HAUS6: variants seen among roughly 807,000 people sequenced by gnomAD.
HAUS6 encodes the protein HAUS augmin like complex subunit 6, also known as HAUS augmin-like complex subunit 6.
A neutral mutation model predicts 106.8 loss-of-function variants in HAUS6; 80 were observed. The observed-to-expected ratio is 0.75, with a 90% CI of 0.63 to 0.90. The LOEUF is 0.90. Ranked by LOEUF, HAUS6 falls within the 40% of genes least tolerant of loss-of-function variation. HAUS6 has a pLI of 0.00. For missense variants in HAUS6, 1,155 were observed against 1,118.1 expected (o/e 1.03, Z -0.47); for synonymous variants, 356 against 379.1 (o/e 0.94, Z 0.71).
In HAUS6 at chr9:19,102,448, G is replaced by C. The variant is rs559734078; in HGVS notation, c.128+76C>G. Reference sequence around the variant, plus strand: ...AACCAATTCTGATTAATCAACCTCCGGGGTCTACAAAAGGGGGAGTCCCCC... The same window carrying C: ...AACCAATTCTGATTAATCAACCTCCCGGGTCTACAAAAGGGGGAGTCCCCC... On this transcript the variant is annotated intron_variant, in intron 1 of 16. Transcript: ENST00000380502. 6.8e-6 allele frequency: 10 copies of C among 1,477,740 alleles called. No homozygotes were observed. In the Admixed American group the frequency reaches 1.8e-4, roughly 27 times the overall value. The allele number at this position is 1,477,740 out of a possible 1,614,324, so 91.5% of individuals were successfully genotyped here.
At chr9:19,070,053 A>G (rs1423586091) in intron 12 of HAUS6, among the ~76,000 whole-genome samples, 166 bp downstream of exon 12, 2 of 152,148 alleles carry the variant, frequency 1.3e-5, no homozygotes, top group Non-Finnish European at 2.9e-5. Flanking sequence ...GAGCCACTAC[A>G]TCCAGTGATT....
intron 15 of HAUS6, 142 bp from the exon 16 acceptor site, chr9:19,059,143 C>T (rs1836548835): frequency 1.7e-6 from 1 of 596,270 alleles, no homozygotes; most frequent in East Asian, 2.8e-5. Context: ...GATAAGCCTC[C>T]ACAATATAAC....
Position 19,080,584 on chromosome 9 carries a change from T to C in HAUS6, c.959A>G (p.Tyr320Cys). ...LLNEVLKVMK[Y>C]ERCQADQARL... The stretch of plus-strand genomic sequence containing the variant: ...TGCTTGATCAGCCTGACAACGTTCA[T>C]ATTTCATCACCTTCAAGACTTCATT... Residue 320 changes from tyrosine to cysteine, a missense_variant, in exon 9 of 17, where the codon TAT becomes TGT. Around this residue, in one of 3 missense-constraint regions of HAUS6, gnomAD observed 761 missense variants for 690.0 expected, o/e 1.10. Transcript: ENST00000380502. 1.3e-6 allele frequency: 2 copies of C among 1,598,040 alleles called. No individual in the cohort carries two copies. The highest frequency in any genetic ancestry group is 1.1e-5 in the South Asian group (1 of 90,662).
chr9:19,081,120 C>G (rs1013189881), intron 8 of HAUS6, among the ~76,000 whole-genome samples: 1 of 151,902 alleles, frequency 6.6e-6, no homozygotes, highest in Non-Finnish European at 1.5e-5. Context: ...TCAAATACCC[C>G]CAAACATAAA....
intron 1 of HAUS6, among the ~76,000 whole-genome samples, chr9:19,100,534 A>T (rs965499084): frequency 5.3e-5 from 8 of 152,182 alleles, no homozygotes; most frequent in African/African-American, 1.9e-4. Flanking sequence ...TCCTTAAAAA[A>T]CTAAAAATAG....
At chr9:19,074,406 G>C (rs1227552767) in intron 11 of HAUS6, among the ~76,000 whole-genome samples, 1 of 152,092 alleles carries the variant, frequency 6.6e-6, no homozygotes. Flanking sequence ...TGAATAGCTA[G>C]GACTACAGAC....
At chr9:19,070,397 A>G (rs1836860881) in intron 11 of HAUS6, 97 bp from the exon 12 acceptor site, 3 of 684,474 alleles carry the variant, frequency 4.4e-6, no homozygotes, top group Non-Finnish European at 7.8e-6. Context: ...TAAACAGAAG[A>G]AAACAGAAAA....
chr9:19,078,363 T>A, intron 9 of HAUS6, 61 bp from the exon 10 acceptor site: 1 of 971,582 alleles, frequency 1.0e-6, no homozygotes, highest in South Asian at 1.5e-5. Context: ...TGAGTAAAAT[T>A]TAAGAAAATA....
At chr9:19,095,291 T>A (rs961596108) in intron 2 of HAUS6, among the ~76,000 whole-genome samples, 6 of 152,122 alleles carry the variant, frequency 3.9e-5, no homozygotes, top group African/African-American at 1.4e-4. Flanking sequence ...TTTTCCAAAT[T>A]TTTATTCTGA....
intron 3 of HAUS6, 48 bp downstream of exon 3, chr9:19,094,269 G>C (rs757418682): frequency 7.1e-6 from 8 of 1,121,626 alleles, no homozygotes; most frequent in African/African-American, 1.6e-5. Flanking sequence ...AGTTAAAGTA[G>C]TTTTTAACTT....
Position 19,080,636 on chromosome 9 carries a change from T to A in HAUS6, c.907A>T (p.Asn303Tyr). Residue 303 changes from asparagine (N) to tyrosine (Y), a missense_variant, in exon 9 of 17, where the codon AAC becomes TAC. Coordinates refer to ENST00000380502, the MANE Select transcript of HAUS6 (RefSeq NM_017645.5). ...IGNVYEAGKL[N>Y]LLTVIQLLNE... ...AATAACTGAATAACTGTTAAGAGGT[T>A]CAGTTTTCCAGCCTCATAAACATTT... 1 of 1,608,996 alleles carries A rather than the reference T, an allele frequency of 6.2e-7. No homozygotes were observed. The highest frequency in any genetic ancestry group is 8.5e-7 in the Non-Finnish European group (1 of 1,176,270).
intron 10 of HAUS6, among the ~76,000 whole-genome samples, chr9:19,077,575 C>T (rs1837038353): frequency 6.6e-6 from 1 of 151,946 alleles, no homozygotes; most frequent in Non-Finnish European, 1.5e-5. Context: ...TCATACAATC[C>T]TTCGAATCTA....
intron 12 of HAUS6, 91 bp downstream of exon 12, chr9:19,070,128 T>C: frequency 2.7e-6 from 2 of 736,802 alleles, no homozygotes; most frequent in Non-Finnish European, 4.7e-6. Context: ...GACCCAGAAG[T>C]CCAGCTGGCT....
intron 7 of HAUS6, 23 bp downstream of exon 7, chr9:19,086,711 T>C: frequency 9.4e-7 from 1 of 1,058,260 alleles, no homozygotes; most frequent in Non-Finnish European, 1.5e-6. Flanking sequence ...AGATTAAATT[T>C]CTCCTTTTAT....
intron 4 of HAUS6, among the ~76,000 whole-genome samples, chr9:19,090,326 C>G (rs1588623617): frequency 6.6e-6 from 1 of 152,110 alleles, no homozygotes; most frequent in South Asian, 2.1e-4. Flanking sequence ...ATAGATACCT[C>G]AAATTATAAT....
chr9:19,087,846 C>CAAAAA (rs71333081), intron 5 of HAUS6, among the ~76,000 whole-genome samples: 1 of 78,732 alleles, frequency 1.3e-5, no homozygotes, highest in African/African-American at 4.7e-5. Context: ...GACCTTGTCT[C>CAAAAA]AAAAAAAAAA....
intron 5 of HAUS6, among the ~76,000 whole-genome samples, chr9:19,087,688 T>C (rs1050665558): frequency 1.3e-5 from 2 of 151,692 alleles, no homozygotes; most frequent in African/African-American, 4.8e-5. Context: ...ACCCTGTCTC[T>C]ACAAAAAAAT....
At chr9:19,066,830 C>CAAAAAAA (rs71333078) in intron 12 of HAUS6, among the ~76,000 whole-genome samples, 1 of 82,098 alleles carries the variant, frequency 1.2e-5, no homozygotes, top group African/African-American at 4.3e-5. Flanking sequence ...CTCATCTCTA[C>CAAAAAAA]AAAAAAAAAA....
chr9:19,072,439 G>A (rs1408857903), intron 11 of HAUS6, among the ~76,000 whole-genome samples: 3 of 151,106 alleles, frequency 2.0e-5, no homozygotes, highest in African/African-American at 7.3e-5. Context: ...CTTGAACCCG[G>A]GAGGCAGAGG....
Sources: gnomAD v4.1 joint callset for allele counts (sites outside exome capture counted in the v4.1 genomes callset) on GRCh38, gnomAD v4.1.1 for gene constraint, gnomAD v4.1.1 regional missense constraint, MANE v1.5 for transcripts, NCBI Gene and HGNC (gene_info 2026-07-23, HGNC 2026-07-21) for gene names.